The following TDRD12 variants were observed in gnomAD, a reference collection of about 807,000 sequenced individuals.
The protein encoded by TDRD12 is putative ATP-dependent RNA helicase TDRD12.
A neutral mutation model predicts 133.5 loss-of-function variants in TDRD12; 158 were observed. That is an observed-to-expected ratio of 1.18 (90% CI 1.04 to 1.35). TDRD12 has a LOEUF of 1.35. Among genes scored for constraint, TDRD12 ranks in the 40% most tolerant of loss-of-function variants. The pLI is 0.00. For missense variants in TDRD12, 1,443 were observed against 1,321.3 expected, an observed-to-expected ratio of 1.09 and a Z score of -1.43; for synonymous variants, 460 against 477.9, an observed-to-expected ratio of 0.96 and a Z score of 0.49.
intron 2 of TDRD12, among the ~76,000 whole-genome samples, chr19:32,735,323 T>C (rs28787932): frequency 0.23 from 35,198 of 151,840 alleles, 4,447 homozygotes; most frequent in African/African-American, 0.34. Flanking sequence ...ATGGAGAAAG[T>C]TTTATTGGTC....
intron 10 of TDRD12, among the ~76,000 whole-genome samples, chr19:32,776,287 C>T (rs79339367): frequency 0.034 from 5,175 of 152,256 alleles, 271 homozygotes; most frequent in African/African-American, 0.11. Flanking sequence ...ATTTTCCTCA[C>T]GCAGTCTTTG....
intron 6 of TDRD12, among the ~76,000 whole-genome samples, chr19:32,753,738 C>T (rs6510285): frequency 0.25 from 37,202 of 147,102 alleles, 4,992 homozygotes; most frequent in Middle Eastern, 0.34. Context: ...AGGATGGTCT[C>T]GATCTCCTGA....
At chr19:32,780,537 C>G (rs56905124) in intron 11 of TDRD12, among the ~76,000 whole-genome samples, 4,553 of 152,290 alleles carry the variant, frequency 0.03, 204 homozygotes, top group East Asian at 0.24. Context: ...CCAAAGAACA[C>G]AGTGAGTGGT....
chr19:32,770,276 G>A (rs1226397573), intron 8 of TDRD12, among the ~76,000 whole-genome samples: 2 of 151,972 alleles, frequency 1.3e-5, no homozygotes, highest in Non-Finnish European at 2.9e-5. Context: ...CAAAGTGTTG[G>A]GATTACAGGC....
exon 28 of TDRD12, chr19:32,821,182 A>G (rs1967375186): frequency 1.4e-6 from 2 of 1,456,008 alleles, no homozygotes; most frequent in Non-Finnish European, 1.9e-6. Context: ...TCAAATCGTT[A>G]ATGTCTGGAA....
At chr19:32,826,784 T>C (rs3746024) in intron 9 of TDRD12, 35 bp downstream of exon 32, 216,088 of 1,216,838 alleles carry the variant, frequency 0.18, 19,932 homozygotes, top group East Asian at 0.32. Context: ...CGAGGGGTTG[T>C]AGGTTCTGAG....
chr19:32,816,240 G>C (rs1329319479), intron 26 of TDRD12, among the ~76,000 whole-genome samples: 1 of 152,152 alleles, frequency 6.6e-6, no homozygotes, highest in Non-Finnish European at 1.5e-5. Context: ...CATCAGACGT[G>C]ATGTGTTTCC....
At chr19:32,806,617 C>T (rs1326057492) in intron 21 of TDRD12, among the ~76,000 whole-genome samples, 2 of 152,126 alleles carry the variant, frequency 1.3e-5, no homozygotes, top group Non-Finnish European at 2.9e-5. Flanking sequence ...GCTGGGATTA[C>T]AGGCATGAGC....
intron 11 of TDRD12, among the ~76,000 whole-genome samples, chr19:32,780,957 T>G (rs2145630331): frequency 6.7e-6 from 1 of 149,974 alleles, no homozygotes; most frequent in East Asian, 2.0e-4. Flanking sequence ...TTTTTTTTTT[T>G]TTTGAGATGG....
intron 8 of TDRD12, among the ~76,000 whole-genome samples, chr19:32,769,838 G>A (rs998847475): frequency 6.6e-6 from 1 of 152,020 alleles, no homozygotes; most frequent in Non-Finnish European, 1.5e-5. Flanking sequence ...GTTTGTCCAT[G>A]TTGATCAGGC....
chr19:32,794,266 T>C (rs1355299060), intron 13 of TDRD12, among the ~76,000 whole-genome samples: 3 of 151,762 alleles, frequency 2.0e-5, no homozygotes. Flanking sequence ...CCACCACACC[T>C]GGCTAATTTT....
At chr19:32,783,577 C>T (rs1185089217) in intron 11 of TDRD12, among the ~76,000 whole-genome samples, 7 of 151,202 alleles carry the variant, frequency 4.6e-5, no homozygotes, top group Admixed American at 6.6e-5. Flanking sequence ...TTCACGATAT[C>T]GATTCTTCTG....
intron 4 of TDRD12, among the ~76,000 whole-genome samples, chr19:32,748,267 C>T (rs529832185): frequency 3.0e-4 from 46 of 152,072 alleles, no homozygotes; most frequent in Non-Finnish European, 5.9e-4. Flanking sequence ...GAGTCTGCAC[C>T]GGTGCAGGTG....
chr19:32,740,572 C>G (rs1028978490), intron 3 of TDRD12, among the ~76,000 whole-genome samples: 1 of 152,038 alleles, frequency 6.6e-6, no homozygotes, highest in Non-Finnish European at 1.5e-5. Flanking sequence ...GCATCTCCTG[C>G]GTTCTCTGCA....
chr19:32,770,592 A>G (rs1308915617), intron 8 of TDRD12, among the ~76,000 whole-genome samples: 2 of 152,014 alleles, frequency 1.3e-5, no homozygotes, highest in Non-Finnish European at 2.9e-5. Context: ...TTGTAAATGC[A>G]TTTTGCACTC....
intron 9 of TDRD12, 66 bp downstream of exon 32, chr19:32,826,815 C>CTG: frequency 2.0e-6 from 2 of 1,022,328 alleles, no homozygotes; most frequent in Non-Finnish European, 2.5e-6. Flanking sequence ...GACACCATCA[C>CTG]CCACTTAGGA....
intron 14 of TDRD12, among the ~76,000 whole-genome samples, chr19:32,797,080 A>C (rs1457823743): frequency 1.3e-5 from 2 of 150,706 alleles, no homozygotes; most frequent in Non-Finnish European, 2.9e-5. Context: ...TCCCGGGTTC[A>C]AGCAATTCTC....
chr19:32,726,486 G>A (rs1325930429), intron 1 of TDRD12, among the ~76,000 whole-genome samples: 1 of 152,144 alleles, frequency 6.6e-6, no homozygotes, highest in East Asian at 1.9e-4. Context: ...ACTACTCTGA[G>A]TGCCTCATAT....
At chr19:32,749,179 G>C (rs1969746906) in intron 5 of TDRD12, among the ~76,000 whole-genome samples, 1 of 152,094 alleles carries the variant, frequency 6.6e-6, no homozygotes, top group African/African-American at 2.4e-5. Context: ...GGAGCAGTGG[G>C]AGGCTGGGAG....
Sources: allele counts gnomAD v4.1 joint callset (sites outside exome capture counted in the v4.1 genomes callset), GRCh38; gene constraint gnomAD v4.1.1; transcripts MANE v1.5; gene names NCBI Gene and HGNC (gene_info 2026-07-23, HGNC 2026-07-21).